The following BEND6 variants were observed in gnomAD, a reference collection of about 807,000 sequenced individuals.
BEND6 encodes BEN domain containing 6, also known as BEN domain-containing protein 6.
BEND6 carries 24 observed loss-of-function variants against 31.8 expected under a neutral mutation model. The observed-to-expected ratio is 0.75, with a 90% CI of 0.55 to 1.06. The LOEUF (loss-of-function observed/expected upper bound fraction) is 1.06. Ranked by LOEUF, BEND6 falls within the 50% of genes least tolerant of loss-of-function variation. The pLI is 0.00. For synonymous variants in BEND6, 109 were observed against 114.6 expected, an observed-to-expected ratio of 0.95 and a Z score of 0.31; for missense variants, 294 against 327.4, an observed-to-expected ratio of 0.90 and a Z score of 0.79.
At chr6:56,972,852 G>A (rs1267181187) in intron 1 of BEND6, among the ~76,000 whole-genome samples, 4 of 152,214 alleles carry the variant, frequency 2.6e-5, no homozygotes, top group South Asian at 2.1e-4. Context: ...TCAGTTTCTG[G>A]TGAAGGCTCT....
intron 6 of BEND6, among the ~76,000 whole-genome samples, chr6:57,025,195 T>C (rs768984706): frequency 9.9e-5 from 15 of 152,222 alleles, no homozygotes; most frequent in Non-Finnish European, 1.5e-4. Flanking sequence ...CATATCACCG[T>C]CTCACTAAGG....
At chr6:57,011,315 A>C (rs1827333896) in intron 3 of BEND6, among the ~76,000 whole-genome samples, 1 of 152,226 alleles carries the variant, frequency 6.6e-6, no homozygotes, top group Admixed American at 6.5e-5. Context: ...TATGAATTGA[A>C]TCTCAAAAGC....
chr6:57,024,762 G>T (rs1580035), intron 6 of BEND6, among the ~76,000 whole-genome samples: 2 of 152,174 alleles, frequency 1.3e-5, no homozygotes, highest in African/African-American at 4.8e-5. Context: ...CAAGTTTTGG[G>T]AAGTTTTCTG....
chr6:56,998,675 A>G (rs185898383), intron 3 of BEND6, among the ~76,000 whole-genome samples: 1 of 151,402 alleles, frequency 6.6e-6, no homozygotes, highest in African/African-American at 2.4e-5. Context: ...AGAAGAAAAC[A>G]TTGGGAAATG....
Position 56,981,841 on chromosome 6 carries a change from A to G in BEND6, c.31A>G (p.Thr11Ala), listed in dbSNP as rs530207377. 1.9e-6 allele frequency: 3 copies of G among 1,612,784 alleles called. No individual in the cohort carries two copies. In the East Asian group the frequency reaches 6.7e-5, roughly 36 times the overall value. MQKIVQTDEI[T>A]NTQAFRKGKR... ...GAAGATCGTGCAGACAGATGAAATT[A>G]CCAATACACAAGCTTTTAGAAAAGG... Residue 11 changes from threonine (T) to alanine (A), a missense_variant, in exon 2 of 7, where the codon ACC becomes GCC. Thr to Ala is a moderately conservative substitution (Grantham distance 58, BLOSUM62 0). Transcript: ENST00000370746.
chr6:56,967,447 T>C (rs1259444349), intron 1 of BEND6, among the ~76,000 whole-genome samples: 1 of 152,148 alleles, frequency 6.6e-6, no homozygotes, highest in African/African-American at 2.4e-5. Flanking sequence ...TAAATTCTCC[T>C]GACTCGCTGT....
At chr6:57,015,098 G>A (rs1827489442) in intron 3 of BEND6, 35 bp from the exon 4 acceptor site, 4 of 1,567,034 alleles carry the variant, frequency 2.6e-6, no homozygotes, top group African/African-American at 1.4e-5. Context: ...ATTATCAATG[G>A]TATTTGTAAA....
chr6:56,978,999 T>C (rs1162856650), intron 1 of BEND6, among the ~76,000 whole-genome samples: 1 of 152,354 alleles, frequency 6.6e-6, no homozygotes, highest in East Asian at 1.9e-4. Flanking sequence ...CTTTATTTAC[T>C]TCCCCTATTG....
chr6:56,974,564 G>C (rs1306879264), intron 1 of BEND6, among the ~76,000 whole-genome samples: 1 of 152,190 alleles, frequency 6.6e-6, no homozygotes, highest in African/African-American at 2.4e-5. Context: ...TACTATGAGA[G>C]CAGAGTTAAG....
intron 2 of BEND6, among the ~76,000 whole-genome samples, chr6:56,989,755 G>A (rs1292874899): frequency 3.3e-5 from 5 of 152,052 alleles, no homozygotes; most frequent in Non-Finnish European, 1.5e-5. Flanking sequence ...TAAAATGTTT[G>A]TTCATGTCTT....
At position 57,007,298 on chromosome 6, in the gene BEND6, A is replaced by C. The variant is rs529360037; in HGVS notation, c.299-7835A>C. On this transcript the variant is annotated intron_variant, in intron 3 of 6. Coordinates refer to ENST00000370746, the MANE Select transcript of BEND6 (RefSeq NM_152731.3). ...GTGAGACCATGTCTCAAATTAAAAA[A>C]AAAAAAAATCATGCTGGGAAAATTG... 2.0e-5 allele frequency among the ~76,000 whole-genome samples: 3 copies of C among 152,242 alleles called. No homozygotes were observed. The South Asian group carries it at 6.2e-4, about 32-fold the overall frequency.
intron 3 of BEND6, among the ~76,000 whole-genome samples, chr6:57,001,235 C>T (rs1396874047): frequency 1.3e-5 from 2 of 149,866 alleles, no homozygotes; most frequent in Admixed American, 1.3e-4. Context: ...GCCATCACTG[C>T]TCACTGCAAC....
intron 3 of BEND6, chr6:57,004,757 A>G (rs1593013729): frequency 9.0e-7 from 1 of 1,107,564 alleles, no homozygotes; most frequent in East Asian, 2.3e-5. Context: ...ACTGAGACAC[A>G]TCACCTGAAT....
chr6:57,025,619 T>G (rs1827876953), intron 6 of BEND6, among the ~76,000 whole-genome samples: 2 of 152,232 alleles, frequency 1.3e-5, no homozygotes, highest in African/African-American at 4.8e-5. Context: ...CACTCTGATT[T>G]GGTGCCTCAA....
At chr6:56,958,252 C>A (rs1825164024) in intron 1 of BEND6, among the ~76,000 whole-genome samples, 1 of 152,210 alleles carries the variant, frequency 6.6e-6, no homozygotes, top group Admixed American at 6.5e-5. Context: ...ATCACTAAGT[C>A]TTTTCATTCC....
chr6:57,014,389 C>A lies in BEND6; in HGVS notation c.299-744C>A. The A allele has an allele frequency of 4.2e-6, 4 of 941,806 alleles. No homozygotes were observed. In the Middle Eastern group the frequency reaches 8.6e-4, roughly 202 times the overall value. The allele number at this position is 941,806 out of a possible 1,614,324, so 58.3% of individuals were successfully genotyped here. A position where few individuals can be genotyped will look rare whatever the true frequency, so the allele number is the denominator to read the frequency against. Reference sequence around the variant, plus strand: ...CTCTCCAGCAGGCTGTGCCCTCAACCATATAGTGAGGAACTGAATTAGACA... The same window carrying A: ...CTCTCCAGCAGGCTGTGCCCTCAACAATATAGTGAGGAACTGAATTAGACA... On this transcript the variant is annotated intron_variant, in intron 3 of 6. Coordinates refer to ENST00000370746, the MANE Select transcript of BEND6 (RefSeq NM_152731.3).
chr6:56,984,349 T>C (rs1826177870), intron 2 of BEND6, among the ~76,000 whole-genome samples: 1 of 152,246 alleles, frequency 6.6e-6, no homozygotes, highest in Non-Finnish European at 1.5e-5. Flanking sequence ...TGACTAGATA[T>C]TATAAAATTA....
chr6:57,014,653 C>A, intron 3 of BEND6: 2 of 679,764 alleles, frequency 2.9e-6, no homozygotes, highest in Non-Finnish European at 4.6e-6. Context: ...AAATTTGACT[C>A]CCTTGTAAAC....
At chr6:56,964,690 G>C (rs1489566184) in intron 1 of BEND6, among the ~76,000 whole-genome samples, 1 of 152,062 alleles carries the variant, frequency 6.6e-6, no homozygotes, top group Non-Finnish European at 1.5e-5. Context: ...TTTAGTAGAC[G>C]AAGTCTCATT....
Sources: allele counts gnomAD v4.1 joint callset (sites outside exome capture counted in the v4.1 genomes callset), GRCh38; gene constraint gnomAD v4.1.1; transcripts MANE v1.5; gene names NCBI Gene and HGNC (gene_info 2026-07-23, HGNC 2026-07-21).